MEIOB: variants seen among roughly 807,000 people sequenced by gnomAD.
MEIOB encodes the protein meiosis specific with OB-fold.
Under a neutral mutation model 53.1 loss-of-function variants are expected in MEIOB, and 50 were observed. The ratio of observed to expected loss-of-function variants is 0.94; its 90% CI spans 0.75 to 1.19. The LOEUF is 1.19. Ranked by LOEUF, MEIOB falls within the 50% of genes most tolerant of loss-of-function variation. The probability of loss-of-function intolerance (pLI) is 0.00; values close to 1 mark genes in which losing one functional copy is unlikely to be tolerated. For synonymous variants in MEIOB, 192 were observed against 182.5 expected, an observed-to-expected ratio of 1.05 and a Z score of -0.42; for missense variants, 551 against 550.8, an observed-to-expected ratio of 1.00 and a Z score of 0.00.
intron 4 of MEIOB, among the ~76,000 whole-genome samples, chr16:1,861,321 T>C (rs542952108): frequency 3.9e-5 from 6 of 152,298 alleles, no homozygotes; most frequent in African/African-American, 1.4e-4. Context: ...TCAGTTTTTA[T>C]CAAAATCTAT....
chr16:1,863,478 C>T (rs896455107), intron 3 of MEIOB, among the ~76,000 whole-genome samples: 1 of 151,914 alleles, frequency 6.6e-6, no homozygotes, highest in African/African-American at 2.4e-5. Context: ...CCTCTGCCTC[C>T]TGGGTTCAAG....
At chr16:1,844,825 T>C (rs760937937) in intron 10 of MEIOB, 37 bp downstream of exon 10, 591 of 1,205,458 alleles carry the variant, frequency 4.9e-4, no homozygotes, top group Non-Finnish European at 6.4e-4. Context: ...AATTTCGGCC[T>C]TTAAAAAAAT....
At chr16:1,869,072 G>T (rs1008313358) in intron 1 of MEIOB, among the ~76,000 whole-genome samples, 19 of 151,970 alleles carry the variant, frequency 1.3e-4, no homozygotes, top group Non-Finnish European at 2.2e-4. Context: ...AAATTTAGTA[G>T]TTTTTGAGCA....
At chr16:1,835,356 C>G (rs1383785255) in intron 13 of MEIOB, among the ~76,000 whole-genome samples, 1 of 152,022 alleles carries the variant, frequency 6.6e-6, no homozygotes, top group African/African-American at 2.4e-5. Context: ...GGGACTCAAT[C>G]TGTGAGACTA....
At chr16:1,846,807 G>C (rs1035402852) in intron 9 of MEIOB, among the ~76,000 whole-genome samples, 22 of 152,160 alleles carry the variant, frequency 1.4e-4, no homozygotes, top group African/African-American at 5.1e-4. Context: ...TTGGGGAATG[G>C]GGGGTGAGGG....
At chr16:1,835,308 T>C (rs1351995925) in intron 13 of MEIOB, among the ~76,000 whole-genome samples, 2 of 152,024 alleles carry the variant, frequency 1.3e-5, no homozygotes, top group Non-Finnish European at 2.9e-5. Context: ...TTAATGTGTG[T>C]TCAAACTACC....
chr16:1,847,608 G>T (rs1899058910), intron 9 of MEIOB, among the ~76,000 whole-genome samples: 1 of 151,890 alleles, frequency 6.6e-6, no homozygotes, highest in African/African-American at 2.4e-5. Context: ...AAGAGGGGAG[G>T]GGAGGGGAGG....
chr16:1,835,083 T>C (rs530343212), intron 13 of MEIOB, among the ~76,000 whole-genome samples: 1 of 152,130 alleles, frequency 6.6e-6, no homozygotes, highest in African/African-American at 2.4e-5. Context: ...AGTGAAACCC[T>C]GTCTCTACTA....
chr16:1,860,512 C>T (rs1899415407), intron 4 of MEIOB, 37 bp from the exon 5 acceptor site: 1 of 1,194,298 alleles, frequency 8.4e-7, no homozygotes, highest in Non-Finnish European at 1.2e-6. Context: ...TATTACAAAA[C>T]AGTAACAAGA....
In MEIOB at chr16:1,841,990, G is replaced by A. The variant is rs112407073; in HGVS notation, c.881-17C>T. Reference sequence around the variant, plus strand: ...TTGTACTTACTAAAAACAGAAAGAAGTATTACAGTTCTGTATATATTCTAA... The same window carrying A: ...TTGTACTTACTAAAAACAGAAAGAAATATTACAGTTCTGTATATATTCTAA... On this transcript the variant is annotated splice_polypyrimidine_tract_variant and intron_variant, in intron 10 of 13. Coordinates refer to ENST00000325962, the MANE Select transcript of MEIOB (RefSeq NM_001163560.3). 8.2e-5 allele frequency: 123 copies of A among 1,508,656 alleles called. 1 individual carries two copies. The African/African-American group carries it at 1.4e-3, about 18-fold the overall frequency. 93.5% of individuals were successfully genotyped at this position (1,508,656 alleles called of 1,614,324 possible).
At chr16:1,851,230 G>C (rs1379526785) in intron 9 of MEIOB, among the ~76,000 whole-genome samples, 2 of 152,124 alleles carry the variant, frequency 1.3e-5, no homozygotes, top group Non-Finnish European at 2.9e-5. Context: ...TGCTGGCCTT[G>C]AACTCCTGGG....
chr16:1,861,535 CTTT>C lies in MEIOB; in HGVS notation c.259+447_259+449del, dbSNP rs59561016. 5.6e-4 allele frequency among the ~76,000 whole-genome samples: 50 copies of C among 89,122 alleles called. No individual in the cohort carries two copies. The South Asian group carries it at 0.02, about 35-fold the overall frequency. 58.5% of individuals were successfully genotyped at this position (89,122 alleles called of 152,430 possible). A position where few individuals can be genotyped will look rare whatever the true frequency, so the allele number is the denominator to read the frequency against. ...CATTCTGAATGCCTCGCATTGCAGT[CTTT>C]TTTTTTTTTTTTTTTTTTTTTTGAG... On this transcript the variant is annotated intron_variant, in intron 4 of 13. Transcript: ENST00000325962.
At chr16:1,854,262 G>T in intron 6 of MEIOB, 62 bp from the exon 7 acceptor site, 7 of 959,508 alleles carry the variant, frequency 7.3e-6, no homozygotes, top group Non-Finnish European at 1.1e-5. Context: ...AGTATTTGTT[G>T]ATGAAAATAC....
intron 6 of MEIOB, 108 bp downstream of exon 6, chr16:1,857,627 G>A (rs973296572): frequency 7.8e-6 from 6 of 765,204 alleles, no homozygotes; most frequent in African/African-American, 1.8e-5. Context: ...CCAAGATAGA[G>A]AAGAAAAGTT....
At chr16:1,852,933 T>A in intron 9 of MEIOB, 106 bp downstream of exon 9, 1 of 725,206 alleles carries the variant, frequency 1.4e-6, no homozygotes, top group Non-Finnish European at 2.2e-6. Context: ...TTACTTCTAA[T>A]TTGAATTAAA....
At position 1,857,722 on chromosome 16, in the gene MEIOB, G is replaced by C; in HGVS notation, c.528+13C>G. The C allele has an allele frequency of 1.3e-6, 2 of 1,549,872 alleles. No homozygotes were observed. The highest frequency in any genetic ancestry group is 1.7e-6 in the Non-Finnish European group (2 of 1,146,026). On this transcript the variant is annotated intron_variant, in intron 6 of 13. Coordinates refer to ENST00000325962, the MANE Select transcript of MEIOB (RefSeq NM_001163560.3). ...GCCAGATTGCACTTGGCTTTGTCGG[G>C]GTTTTAACTTACCGATTTCACAGCT...
intron 3 of MEIOB, among the ~76,000 whole-genome samples, chr16:1,862,512 T>C (rs573737276): frequency 1.6e-3 from 239 of 152,220 alleles, no homozygotes; most frequent in African/African-American, 5.5e-3. Flanking sequence ...CCCAGCTACT[T>C]AGGAGGATGA....
chr16:1,865,711 T>A, intron 3 of MEIOB, 67 bp downstream of exon 3: 1 of 1,143,290 alleles, frequency 8.7e-7, no homozygotes, highest in Non-Finnish European at 1.3e-6. Flanking sequence ...ATCACTTCAA[T>A]ATACTTTGTT....
At chr16:1,871,119 T>C (rs2982231) in intron 1 of MEIOB, among the ~76,000 whole-genome samples, 125,335 of 151,884 alleles carry the variant, frequency 0.83, 51,844 homozygotes, top group Middle Eastern at 0.9. Flanking sequence ...CTCTACCTGG[T>C]CACTTTAACA....
Sources: allele counts gnomAD v4.1 joint callset (sites outside exome capture counted in the v4.1 genomes callset), GRCh38; gene constraint gnomAD v4.1.1; transcripts MANE v1.5; gene names NCBI Gene and HGNC (gene_info 2026-07-23, HGNC 2026-07-21).